ZNRF1: variants seen among roughly 807,000 people sequenced by gnomAD.
ZNRF1 encodes the protein zinc and ring finger 1, also known as E3 ubiquitin-protein ligase ZNRF1.
In ZNRF1, 3 loss-of-function variants were observed where a neutral mutation model predicts 18.4. The observed-to-expected ratio is 0.16, with a 90% confidence interval of 0.07 to 0.42. The LOEUF is 0.42. Ranked by LOEUF, ZNRF1 falls within the 10% of genes least tolerant of loss-of-function variation. The pLI is 0.99. For missense variants in ZNRF1, 310 were observed against 329.8 expected, an observed-to-expected ratio of 0.94 and a Z score of 0.47; for synonymous variants, 157 against 144.2, an observed-to-expected ratio of 1.09 and a Z score of -0.64.
rs1232087526 is a variant in ZNRF1, at chr16:74,999,598, C to T, written c.-74C>T. On this transcript the variant is annotated 5_prime_UTR_variant, in exon 1 of 5. Transcript: ENST00000335325. Reference sequence around the variant, plus strand: ...TCCCTCCCCCTTTATGCTCGCCCAGCCCTCCCCCTGCTGCTGAGAAGTGGG... The same window carrying T: ...TCCCTCCCCCTTTATGCTCGCCCAGTCCTCCCCCTGCTGCTGAGAAGTGGG... The T allele has an allele frequency of 2.7e-6, 3 of 1,125,402 alleles. No individual in the cohort carries two copies. The highest frequency in any genetic ancestry group is 3.4e-6 in the Non-Finnish European group (3 of 873,076). The allele number at this position is 1,125,402 out of a possible 1,614,324, so 69.7% of individuals were successfully genotyped here.
intron 1 of ZNRF1, among the ~76,000 whole-genome samples, chr16:75,074,444 C>A (rs1376417856): frequency 1.3e-5 from 2 of 152,152 alleles, no homozygotes; most frequent in Non-Finnish European, 2.9e-5. Flanking sequence ...CCTTTACTAT[C>A]ACATTGTGAA....
intron 4 of ZNRF1, chr16:75,107,065 GACC>G (rs1356740029): frequency 5.9e-6 from 1 of 168,548 alleles, no homozygotes; most frequent in Non-Finnish European, 1.3e-5. Flanking sequence ...GCGATCATTT[GACC>G]ACTGCTTCTT....
rs952432778 is a variant in ZNRF1, at chr16:74,999,670, G to A, written c.-2G>A. ...TCCCGCCCCACCGGGGCCCGGGCGA[G>A]CATGGGGGGCAAGCAGAGCACGGCG... On this transcript the variant is annotated 5_prime_UTR_variant, in exon 1 of 5. Coordinates refer to ENST00000335325, the MANE Select transcript of ZNRF1 (RefSeq NM_032268.5). 2.2e-5 allele frequency: 29 copies of A among 1,340,040 alleles called. No homozygotes were observed. Among genetic ancestry groups the A allele is most frequent in the Non-Finnish European group, 2.7e-5 (28 of 1,051,890 alleles). 83.0% of individuals were successfully genotyped at this position (1,340,040 alleles called of 1,614,324 possible).
chr16:75,065,926 AG>A (rs2035797827), intron 1 of ZNRF1, among the ~76,000 whole-genome samples: 1 of 152,180 alleles, frequency 6.6e-6, no homozygotes, highest in African/African-American at 2.4e-5. Flanking sequence ...CTCCTCTCTC[AG>A]GTGACTTTTT....
intron 1 of ZNRF1, among the ~76,000 whole-genome samples, chr16:75,066,785 T>C (rs895138289): frequency 2.0e-5 from 3 of 152,176 alleles, no homozygotes; most frequent in African/African-American, 4.8e-5. Flanking sequence ...ATTACAGATG[T>C]GAGCCACCAC....
At chr16:75,043,592 T>C (rs1398337723) in intron 1 of ZNRF1, among the ~76,000 whole-genome samples, 1 of 152,188 alleles carries the variant, frequency 6.6e-6, no homozygotes, top group South Asian at 2.1e-4. Flanking sequence ...TCCTGATAGA[T>C]ACACAGAAAT....
intron 1 of ZNRF1, among the ~76,000 whole-genome samples, chr16:75,045,806 C>A (rs2035507872): frequency 6.6e-6 from 1 of 150,692 alleles, no homozygotes; most frequent in Non-Finnish European, 1.5e-5. Context: ...GTCTCGAATT[C>A]CTGGGCTCAA....
At chr16:75,051,636 G>A (rs1445803030) in intron 1 of ZNRF1, among the ~76,000 whole-genome samples, 4 of 152,084 alleles carry the variant, frequency 2.6e-5, no homozygotes, top group Non-Finnish European at 5.9e-5. Flanking sequence ...TCCTGCCTCA[G>A]CCTTGTGAGT....
intron 1 of ZNRF1, among the ~76,000 whole-genome samples, chr16:75,014,414 G>GGT (rs1366901422): frequency 1.3e-5 from 2 of 151,930 alleles, no homozygotes; most frequent in African/African-American, 2.4e-5. Flanking sequence ...GATATTATGA[G>GGT]GTGTGTGTGT....
intron 1 of ZNRF1, among the ~76,000 whole-genome samples, chr16:75,035,777 C>T (rs1457859557): frequency 6.6e-6 from 1 of 152,144 alleles, no homozygotes; most frequent in African/African-American, 2.4e-5. Context: ...TGGGAGGGGC[C>T]CCATGCACAG....
At chr16:75,007,804 C>G (rs1258245568) in intron 1 of ZNRF1, among the ~76,000 whole-genome samples, 7 of 152,176 alleles carry the variant, frequency 4.6e-5, no homozygotes, top group Admixed American at 3.3e-4. Flanking sequence ...TCTCCCCAAA[C>G]AGAGAAATAA....
intron 1 of ZNRF1, among the ~76,000 whole-genome samples, chr16:75,017,085 A>AT (rs2035082407): frequency 6.6e-6 from 1 of 152,204 alleles, no homozygotes; most frequent in African/African-American, 2.4e-5. Context: ...TGCACAAACA[A>AT]TAACATTTCC....
chr16:75,032,527 T>G (rs1006678881), intron 1 of ZNRF1, among the ~76,000 whole-genome samples: 1 of 151,048 alleles, frequency 6.6e-6, no homozygotes, highest in Non-Finnish European at 1.5e-5. Context: ...AGAGCGAAAC[T>G]CCATCTCAAA....
At chr16:75,066,298 CA>C (rs2035803312) in intron 1 of ZNRF1, among the ~76,000 whole-genome samples, 1 of 152,100 alleles carries the variant, frequency 6.6e-6, no homozygotes, top group South Asian at 2.1e-4. Flanking sequence ...TGTTTTCCCC[CA>C]AAATACAAGA....
At chr16:75,096,184 C>T (rs543521837) in intron 2 of ZNRF1, among the ~76,000 whole-genome samples, 2 of 151,954 alleles carry the variant, frequency 1.3e-5, no homozygotes, top group South Asian at 4.2e-4. Context: ...CAGTTGTCTC[C>T]AGTCCTTCCA....
At chr16:75,003,828 C>T (rs1281673186) in intron 1 of ZNRF1, among the ~76,000 whole-genome samples, 1 of 152,174 alleles carries the variant, frequency 6.6e-6, no homozygotes, top group Non-Finnish European at 1.5e-5. Flanking sequence ...GCCTGTCCTG[C>T]TTACCTCTCA....
intron 1 of ZNRF1, among the ~76,000 whole-genome samples, chr16:75,005,685 A>T (rs1316364390): frequency 6.6e-6 from 1 of 152,212 alleles, no homozygotes; most frequent in South Asian, 2.1e-4. Context: ...CATACCTTTG[A>T]TAAAGTTTTA....
chr16:75,016,213 G>A (rs955502632), intron 1 of ZNRF1, among the ~76,000 whole-genome samples: 3 of 151,598 alleles, frequency 2.0e-5, no homozygotes, highest in Non-Finnish European at 4.4e-5. Flanking sequence ...ATGAGCCACC[G>A]CGCCCGGCCG....
At chr16:75,092,258 CTGAAGAGGAGGAGGAG>C (rs2036148705) in intron 1 of ZNRF1, among the ~76,000 whole-genome samples, 1 of 152,038 alleles carries the variant, frequency 6.6e-6, no homozygotes, top group African/African-American at 2.4e-5. Context: ...ATTGAGTAGG[CTGAAGAGGAGGAGGAG>C]GAGGGGTTGG....
Sources: gnomAD v4.1 joint callset for allele counts (sites outside exome capture counted in the v4.1 genomes callset) on GRCh38, gnomAD v4.1.1 for gene constraint, MANE v1.5 for transcripts, NCBI Gene and HGNC (gene_info 2026-07-23, HGNC 2026-07-21) for gene names.